Variants in PCBP3 observed in about 807,000 individuals in gnomAD.
The protein encoded by PCBP3 is poly(rC)-binding protein 3.
A neutral mutation model predicts 52.7 loss-of-function variants in PCBP3; 25 were observed. The observed-to-expected ratio is 0.47, with a 90% CI of 0.35 to 0.66. PCBP3 has a LOEUF of 0.66. Among genes scored for constraint, PCBP3 ranks in the 30% least tolerant of loss-of-function variants. The pLI is 0.01. For synonymous variants in PCBP3, 162 were observed against 183.0 expected, an observed-to-expected ratio of 0.89 and a Z score of 0.93; for missense variants, 391 against 490.3, an observed-to-expected ratio of 0.80 and a Z score of 1.91.
At chr21:45,766,332 G>A (rs2089316815) in intron 4 of PCBP3, among the ~76,000 whole-genome samples, 2 of 152,352 alleles carry the variant, frequency 1.3e-5, no homozygotes, top group Non-Finnish European at 2.9e-5. Flanking sequence ...TGCTTTTGGA[G>A]TCGGGGCCCT....
intron 4 of PCBP3, among the ~76,000 whole-genome samples, chr21:45,842,423 C>T (rs1314860187): frequency 2.0e-5 from 3 of 152,038 alleles, no homozygotes; most frequent in Non-Finnish European, 4.4e-5. Context: ...TTCTCCATAT[C>T]GCCTACTTAT....
At chr21:45,902,032 AG>A (rs2096069395) in intron 9 of PCBP3, among the ~76,000 whole-genome samples, 1 of 152,180 alleles carries the variant, frequency 6.6e-6, no homozygotes, top group South Asian at 2.1e-4. Flanking sequence ...AGAGACTCAA[AG>A]GCAGGCAGGA....
At chr21:45,834,375 C>T (rs191549650) in intron 4 of PCBP3, among the ~76,000 whole-genome samples, 2 of 152,298 alleles carry the variant, frequency 1.3e-5, no homozygotes, top group East Asian at 3.9e-4. Flanking sequence ...TAGAGGCTGA[C>T]CGAAATTTGT....
At chr21:45,875,742 A>G (rs1197272146) in intron 5 of PCBP3, among the ~76,000 whole-genome samples, 1 of 152,204 alleles carries the variant, frequency 6.6e-6, no homozygotes, top group East Asian at 1.9e-4. Context: ...CCTCATGCCC[A>G]CTGACCCTGA....
At chr21:45,777,153 CA>C (rs992759054) in intron 4 of PCBP3, among the ~76,000 whole-genome samples, 16 of 152,280 alleles carry the variant, frequency 1.1e-4, no homozygotes, top group African/African-American at 3.6e-4. Context: ...ACTTTATTTA[CA>C]AAGCATAATT....
intron 4 of PCBP3, among the ~76,000 whole-genome samples, chr21:45,801,986 G>A (rs2092321627): frequency 6.6e-6 from 1 of 152,136 alleles, no homozygotes; most frequent in African/African-American, 2.4e-5. Flanking sequence ...GAGCCGCTCG[G>A]TTGTCCTGTG....
chr21:45,782,109 A>G lies in PCBP3; in HGVS notation c.-126+26657A>G, dbSNP rs530213116. On this transcript the variant is annotated intron_variant, in intron 4 of 17. Coordinates refer to ENST00000681687, the MANE Select transcript of PCBP3 (RefSeq NM_001384156.1). ...TTTTTGGAGCAAGATAACATTGTCC[A>G]TAGTCTCAATTATTTTTTAACCATG... 6.6e-5 allele frequency among the ~76,000 whole-genome samples: 10 copies of G among 152,312 alleles called. No homozygotes were observed. In the East Asian group the frequency reaches 1.5e-3, roughly 24 times the overall value.
chr21:45,797,380 A>G (rs970301933), intron 4 of PCBP3, among the ~76,000 whole-genome samples: 3 of 119,988 alleles, frequency 2.5e-5, no homozygotes, highest in Admixed American at 8.6e-5. Flanking sequence ...GAGTGAATGC[A>G]TGGATAGTTG....
At chr21:45,923,070 C>T (rs576262643) in intron 13 of PCBP3, among the ~76,000 whole-genome samples, 7 of 152,372 alleles carry the variant, frequency 4.6e-5, no homozygotes, top group South Asian at 2.1e-4. Flanking sequence ...GGGACTCTGT[C>T]GGTGCCACGC....
At chr21:45,676,317 C>T (rs917247724) in intron 2 of PCBP3, among the ~76,000 whole-genome samples, 4 of 152,090 alleles carry the variant, frequency 2.6e-5, no homozygotes, top group Non-Finnish European at 4.4e-5. Context: ...TCATGGTGAG[C>T]TTGACAGCCT....
At chr21:45,828,578 C>T (rs897275978) in intron 4 of PCBP3, 2 of 152,288 alleles carry the variant, frequency 1.3e-5, no homozygotes, top group Non-Finnish European at 2.9e-5. Flanking sequence ...TCCCCGCAGG[C>T]TGGGAGTCCC....
At chr21:45,769,018 G>C (rs1469421453) in intron 4 of PCBP3, among the ~76,000 whole-genome samples, 1 of 152,254 alleles carries the variant, frequency 6.6e-6, no homozygotes, top group African/African-American at 2.4e-5. Context: ...GTTCAGGGCT[G>C]TTTGGGGATT....
intron 5 of PCBP3, among the ~76,000 whole-genome samples, chr21:45,850,952 A>G (rs997872641): frequency 2.0e-5 from 3 of 152,244 alleles, no homozygotes; most frequent in African/African-American, 4.8e-5. Context: ...AAAAGAAATA[A>G]AAGAACTTTA....
rs549454728 is a variant in PCBP3, at chr21:45,932,791, G to A, written c.856+1946G>A. 1.1e-3 allele frequency among the ~76,000 whole-genome samples: 166 copies of A among 150,848 alleles called. 1 individual carries two copies. Among genetic ancestry groups the A allele is most frequent in the Non-Finnish European group, 1.7e-3 (117 of 67,744 alleles). On this transcript the variant is annotated intron_variant, in intron 15 of 17. Coordinates refer to ENST00000681687, the MANE Select transcript of PCBP3 (RefSeq NM_001384156.1). ...GATGAATGAACACATCAGCCATGCCGTCCCGAGATGAATGAACACATCGGC... is the reference window on the plus strand; with the variant it reads ...GATGAATGAACACATCAGCCATGCCATCCCGAGATGAATGAACACATCGGC...
At chr21:45,726,723 G>A (rs900984159) in intron 2 of PCBP3, among the ~76,000 whole-genome samples, 7 of 152,304 alleles carry the variant, frequency 4.6e-5, no homozygotes, top group Middle Eastern at 3.4e-3. Context: ...ACAGTGACCC[G>A]CGTGTGGCTC....
chr21:45,747,545 C>T (rs954568795), intron 3 of PCBP3, among the ~76,000 whole-genome samples: 1 of 152,184 alleles, frequency 6.6e-6, no homozygotes, highest in African/African-American at 2.4e-5. Context: ...CCAGGGCCTG[C>T]GGGGATGGGC....
intron 4 of PCBP3, among the ~76,000 whole-genome samples, chr21:45,801,187 C>T (rs1287815398): frequency 6.6e-6 from 1 of 152,234 alleles, no homozygotes; most frequent in Non-Finnish European, 1.5e-5. Context: ...CATCCACTTC[C>T]CTGTGTGGAT....
At chr21:45,923,450 C>T (rs1194408300) in intron 13 of PCBP3, among the ~76,000 whole-genome samples, 1 of 152,224 alleles carries the variant, frequency 6.6e-6, no homozygotes, top group African/African-American at 2.4e-5. Context: ...GGCTGGAGTT[C>T]CATCTTTCCT....
At chr21:45,719,127 G>A (rs891154067) in intron 2 of PCBP3, among the ~76,000 whole-genome samples, 1 of 152,252 alleles carries the variant, frequency 6.6e-6, no homozygotes, top group South Asian at 2.1e-4. Context: ...CGGGGAACAA[G>A]CCATGTTGTG....
Sources: allele counts gnomAD v4.1 joint callset (sites outside exome capture counted in the v4.1 genomes callset), GRCh38; gene constraint gnomAD v4.1.1; transcripts MANE v1.5; gene names NCBI Gene and HGNC (gene_info 2026-07-23, HGNC 2026-07-21).